SPTBN5: variants seen among roughly 807,000 people sequenced by gnomAD.
SPTBN5 encodes spectrin beta chain, non-erythrocytic 5.
In SPTBN5, 513 loss-of-function variants were observed where a neutral mutation model predicts 477.6. The ratio of observed to expected loss-of-function variants is 1.07; its 90% confidence interval spans 1.00 to 1.16. The LOEUF is 1.16. Among genes scored for constraint, SPTBN5 ranks in the 50% most tolerant of loss-of-function variants. The pLI is 0.00. For synonymous variants in SPTBN5, 2,169 were observed against 2,011.7 expected (o/e 1.08, Z -2.09); for missense variants, 5,062 against 4,731.8 (o/e 1.07, Z -2.05).
At chr15:41,865,740 TC>T in intron 39 of SPTBN5, 67 bp downstream of exon 39, 1 of 1,405,038 alleles carries the variant, frequency 7.1e-7, no homozygotes, top group Non-Finnish European at 9.8e-7. Flanking sequence ...CCACACTCTT[TC>T]CCTGCTCTCA....
chr15:41,864,309 G>A (rs2066223816), intron 39 of SPTBN5, among the ~76,000 whole-genome samples: 1 of 152,268 alleles, frequency 6.6e-6, no homozygotes, highest in Non-Finnish European at 1.5e-5. Flanking sequence ...GGGAGAGTGG[G>A]CACATGCTCA....
chr15:41,851,992 A>G, intron 62 of SPTBN5, 142 bp from the exon 63 acceptor site: 3 of 918,932 alleles, frequency 3.3e-6, no homozygotes, highest in Non-Finnish European at 3.3e-6. Flanking sequence ...CTAAGATCAG[A>G]TGAGATCGGG....
Position 41,853,594 on chromosome 15 carries a change from C to T in SPTBN5, c.9968G>A (p.Cys3323Tyr). The T allele has an allele frequency of 1.3e-6, 2 of 1,574,512 alleles. No individual in the cohort carries two copies. Among genetic ancestry groups the T allele is most frequent in the Non-Finnish European group, 1.7e-6 (2 of 1,157,510 alleles). Residue 3323 changes from cysteine (C) to tyrosine (Y), a missense_variant, in exon 58 of 68, where the codon TGC (cysteine) becomes TAC (tyrosine). By Grantham distance (194) the Cys-to-Tyr change is radical (BLOSUM62 -2). Transcript: ENST00000320955. ...GTAGGACACCTACAGCAGTTCCTGGCAGCGCCCGAGGAAGGCATGGCCCTG... is the reference window on the plus strand; with the variant it reads ...GTAGGACACCTACAGCAGTTCCTGGTAGCGCCCGAGGAAGGCATGGCCCTG... ...AAQGHAFLGR[C>Y]QELLAWAQER...
At chr15:41,882,926 C>T in intron 9 of SPTBN5, 70 bp downstream of exon 9, 1 of 1,447,026 alleles carries the variant, frequency 6.9e-7, no homozygotes, top group East Asian at 2.5e-5. Context: ...AGTACTTTAA[C>T]CTGGGCAGGA....
At chr15:41,866,628 A>G (rs1567201514) in intron 36 of SPTBN5, 135 bp from the exon 37 acceptor site, 11 of 1,080,410 alleles carry the variant, frequency 1.0e-5, no homozygotes, top group Non-Finnish European at 1.4e-5. Flanking sequence ...TGAGCCCTGA[A>G]GGTTCCAGCT....
At chr15:41,859,060 G>C in intron 47 of SPTBN5, 80 bp from the exon 48 acceptor site, 2 of 1,109,152 alleles carry the variant, frequency 1.8e-6, no homozygotes, top group Middle Eastern at 3.1e-4. Flanking sequence ...GCTTTCTCGG[G>C]TATGAATATA....
rs1422447678 is a variant in SPTBN5 at position 41,854,213 on chromosome 15, A to G, written c.9619-8T>C. 4.4e-6 allele frequency: 7 copies of G among 1,590,508 alleles called. No individual in the cohort carries two copies. The African/African-American group carries it at 6.7e-5, about 15-fold the overall frequency. On this transcript the variant is annotated splice_polypyrimidine_tract_variant and splice_region_variant and intron_variant, in intron 56 of 67. Transcript: ENST00000320955. ...ATGGGCTGCAGCCAAGTTCTGGGAG[A>G]GGAGAAAGGACCTGCTCAGGGCTGT... is the stretch of plus-strand genomic sequence containing the variant.
chr15:41,856,009 A>G (rs537163117), intron 53 of SPTBN5, among the ~76,000 whole-genome samples: 2 of 152,372 alleles, frequency 1.3e-5, no homozygotes, highest in South Asian at 4.1e-4. Context: ...TTGTCACTTA[A>G]AACCAAGTTT....
Position 41,877,226 on chromosome 15 carries a change from G to C in SPTBN5, c.3601C>G (p.Gln1201Glu), listed in dbSNP as rs770299845. Residue 1201 changes from glutamine to glutamate, a missense_variant, in exon 18 of 68, where the codon CAG becomes GAG. By Grantham distance (29) the Gln-to-Glu change is conservative. Transcript: ENST00000320955. ...QELKVLWEQR[Q>E]QWLQEGLELQ... ...TCCAGCCCCTCTTGCAGCCACTGCT[G>C]CCTCTGCTCCCACAAAACCTTCAGC... is the stretch of plus-strand genomic sequence containing the variant. 6.2e-7 allele frequency: 1 copy of C among 1,614,026 alleles called. No individual in the cohort carries two copies. Among genetic ancestry groups the C allele is most frequent in the Admixed American group, 1.7e-5 (1 of 60,016 alleles).
Position 41,886,327 on chromosome 15 carries a change from G to A in SPTBN5, c.928C>T (p.Gln310Ter). Residue 310 changes from glutamine to a stop codon, truncating the protein, a stop_gained, in exon 7 of 68, where the codon CAG (glutamine) becomes TAG (stop). Coordinates refer to ENST00000320955, the MANE Select transcript of SPTBN5 (RefSeq NM_016642.4). LOFTEE classifies it high-confidence loss of function. ...AGGTCAGCCACCAGCTGCTCGTACTGGGTCTGCAGCAGCTCTGTCTCCTGG... is the reference window on the plus strand; with the variant it reads ...AGGTCAGCCACCAGCTGCTCGTACTAGGTCTGCAGCAGCTCTGTCTCCTGG... ...QLQETELLQT[Q>*]YEQLVADLLR... 1 of 1,611,670 alleles carries A rather than the reference G, an allele frequency of 6.2e-7. No individual in the cohort carries two copies. Among genetic ancestry groups the A allele is most frequent in the Non-Finnish European group, 8.5e-7 (1 of 1,178,956 alleles).
At chr15:41,872,186 G>A in intron 27 of SPTBN5, 116 bp downstream of exon 27, 1 of 1,319,010 alleles carries the variant, frequency 7.6e-7, no homozygotes, top group Non-Finnish European at 1.0e-6. Flanking sequence ...TTTTCCCAAT[G>A]CATCTCTACA....
In SPTBN5 at chr15:41,870,298, G is replaced by A. The variant is rs746384133; in HGVS notation, c.5618C>T (p.Ala1873Val). 43 of 1,558,332 alleles carry A rather than the reference G, an allele frequency of 2.8e-5. No individual in the cohort carries two copies. The highest frequency in any genetic ancestry group is 1.4e-4 in the South Asian group (12 of 84,518). ...CAGCCCCTGGTGGCTTCTCAGCTGC[G>A]CCTCCAGCCCACACAGGTCCCGTGC... ...NVARDLCGLE[A>V]QLRSHQGLER... The change falls in exon 31 of 68, where the codon GCG becomes GTG. Residue 1873 changes from alanine (A) to valine (V), a missense_variant. Physicochemically the swap from Ala to Val is moderately conservative, Grantham distance 64. Transcript: ENST00000320955.
chr15:41,874,130 C>T lies in SPTBN5; in HGVS notation c.4690-85G>A, dbSNP rs2066637253. 3 of 1,514,676 alleles carry T rather than the reference C, an allele frequency of 2.0e-6. No homozygotes were observed. The Admixed American group carries it at 5.9e-5, about 30-fold the overall frequency. The allele number at this position is 1,514,676 out of a possible 1,614,324, so 93.8% of individuals were successfully genotyped here. A position where few individuals can be genotyped will look rare whatever the true frequency, so the allele number is the denominator to read the frequency against. The stretch of plus-strand genomic sequence containing the variant: ...CATGGATGTGGCTCCAGGCCCCAAT[C>T]ATGGCAAGACCCCCAGGGTCAAAAT... On this transcript the variant is annotated intron_variant, in intron 24 of 67. Transcript: ENST00000320955.
At chr15:41,869,110 G>T (rs1236893539) in intron 32 of SPTBN5, among the ~76,000 whole-genome samples, 10 of 152,228 alleles carry the variant, frequency 6.6e-5, no homozygotes, top group African/African-American at 1.9e-4. Flanking sequence ...ATTGGTGCTG[G>T]AGGGACTTCA....
At chr15:41,864,056 AC>A in intron 39 of SPTBN5, 32 bp from the exon 40 acceptor site, 3 of 1,563,246 alleles carry the variant, frequency 1.9e-6, no homozygotes, top group Non-Finnish European at 2.6e-6. Context: ...GGGCATTGGC[AC>A]CCCCCATGCA....
chr15:41,881,927 C>T lies in SPTBN5; in HGVS notation c.2457+9G>A, dbSNP rs951321649. On this transcript the variant is annotated intron_variant, in intron 12 of 67. Coordinates refer to ENST00000320955, the MANE Select transcript of SPTBN5 (RefSeq NM_016642.4). ...GAGACCAGGCGCCCTTCCCTGTCCC[C>T]GTCCTCACCGTGAATAACGACGCCC... 2 of 1,526,826 alleles carry T rather than the reference C, an allele frequency of 1.3e-6. No homozygotes were observed. Among genetic ancestry groups the T allele is most frequent in the Non-Finnish European group, 8.7e-7 (1 of 1,145,478 alleles). 94.6% of individuals were successfully genotyped at this position (1,526,826 alleles called of 1,614,324 possible). A position where few individuals can be genotyped will look rare whatever the true frequency, so the allele number is the denominator to read the frequency against.
chr15:41,855,459 A>G, intron 54 of SPTBN5, 31 bp from the exon 55 acceptor site: 1 of 1,595,278 alleles, frequency 6.3e-7, no homozygotes, highest in Non-Finnish European at 8.6e-7. Flanking sequence ...TCTGGACTGC[A>G]GCCCTGCCTT....
Position 41,856,596 on chromosome 15 carries a change from G to T in SPTBN5, c.8811C>A (p.Asn2937Lys). 2 of 1,582,588 alleles carry T rather than the reference G, an allele frequency of 1.3e-6. No homozygotes were observed. Among genetic ancestry groups the T allele is most frequent in the South Asian group, 1.1e-5 (1 of 87,382 alleles). The change falls in exon 53 of 68, where the codon AAC (asparagine) becomes AAA (lysine). Residue 2937 changes from asparagine (N) to lysine (K), a missense_variant and splice_region_variant. Physicochemically the swap from Asn to Lys is moderately conservative, Grantham distance 94. Coordinates refer to ENST00000320955, the MANE Select transcript of SPTBN5 (RefSeq NM_016642.4). ...AVRHLQEQHQ[N>K]LESEMSSHEA... ...CGTGGCTGCTCATCTCACTCTCCAG[G>T]TTCTGCGGGGGAGGAGGCAGGAGGA...
At chr15:41,860,422 T>C (rs564890353) in intron 47 of SPTBN5, among the ~76,000 whole-genome samples, 164 bp downstream of exon 47, 3 of 152,350 alleles carry the variant, frequency 2.0e-5, no homozygotes, top group South Asian at 2.1e-4. Context: ...GGCAGACACA[T>C]TGCAGGGCCA....
Sources: gnomAD v4.1 joint callset for allele counts (sites outside exome capture counted in the v4.1 genomes callset) on GRCh38, gnomAD v4.1.1 for gene constraint, MANE v1.5 for transcripts, NCBI Gene and HGNC (gene_info 2026-07-23, HGNC 2026-07-21) for gene names.